FRMD6: variants seen among roughly 807,000 people sequenced by gnomAD.
FRMD6 encodes FERM domain containing 6.
In FRMD6, 37 loss-of-function variants were observed where a neutral mutation model predicts 73.2. The observed-to-expected ratio is 0.51, with a 90% CI of 0.39 to 0.66. The LOEUF is 0.66. Among genes scored for constraint, FRMD6 ranks in the 30% least tolerant of loss-of-function variants. The pLI is 0.00. For missense variants in FRMD6, 714 were observed against 780.5 expected (o/e 0.91, Z 1.02); for synonymous variants, 273 against 282.2 (o/e 0.97, Z 0.33).
chr14:51,611,926 A>T (rs950532947), intron 2 of FRMD6, among the ~76,000 whole-genome samples: 2 of 152,240 alleles, frequency 1.3e-5, no homozygotes. Flanking sequence ...GTAAAATGAA[A>T]AAAAAACAGT....
At chr14:51,612,515 A>T (rs527473459) in intron 2 of FRMD6, among the ~76,000 whole-genome samples, 1 of 152,326 alleles carries the variant, frequency 6.6e-6, no homozygotes, top group African/African-American at 2.4e-5. Context: ...TTGGGCCTAA[A>T]TTGCTTACAT....
intron 1 of FRMD6, 125 bp from the exon 2 acceptor site, chr14:51,689,566 G>A (rs1895399173): frequency 4.8e-6 from 2 of 417,500 alleles, no homozygotes; most frequent in Non-Finnish European, 4.4e-6. Flanking sequence ...AAATAAGGTG[G>A]TGCTGGCTGG....
At chr14:51,403,663 A>T in the FRMD6 span, among the ~76,000 whole-genome samples, 1 of 152,150 alleles carries the variant, frequency 6.6e-6, no homozygotes, top group African/African-American at 2.4e-5. Flanking sequence ...CAGCCTCCCA[A>T]AGTGCTCGGA....
At chr14:51,428,463 A>G in the FRMD6 span, among the ~76,000 whole-genome samples, 1 of 152,240 alleles carries the variant, frequency 6.6e-6, no homozygotes, top group Non-Finnish European at 1.5e-5. Flanking sequence ...AGACAACTCC[A>G]GTCTCCAGGT....
the FRMD6 span, among the ~76,000 whole-genome samples, chr14:51,442,624 A>C: frequency 1.5e-4 from 23 of 152,228 alleles, no homozygotes; most frequent in East Asian, 4.3e-3. Flanking sequence ...CACATATTAT[A>C]AGCTCCTCAG....
Position 51,689,887 on chromosome 14 carries a change from T to C in FRMD6, c.51T>C (p.Ser17=), listed in dbSNP as rs781086779. Reference sequence around the variant, plus strand: ...ACAGAGTCATGCAAGACCGCCGCAGTGTGTGCATTTTCCTTCCCAACGATG... The same window carrying C: ...ACAGAGTCATGCAAGACCGCCGCAGCGTGTGCATTTTCCTTCCCAACGATG... ...HNNRVMQDRR[S]VCIFLPNDES... The change falls in exon 2 of 14, where the codon AGT becomes AGC. Residue 17 remains serine, a synonymous_variant. Coordinates refer to ENST00000344768, the MANE Select transcript of FRMD6 (RefSeq NM_001267046.2). 4.2e-5 allele frequency: 68 copies of C among 1,613,578 alleles called. No homozygotes were observed. The highest frequency in any genetic ancestry group is 5.8e-5 in the Non-Finnish European group (68 of 1,179,686).
chr14:51,535,853 C>G (rs950403511), intron 1 of FRMD6, among the ~76,000 whole-genome samples: 59 of 151,984 alleles, frequency 3.9e-4, no homozygotes, highest in Non-Finnish European at 7.5e-4. Flanking sequence ...CTTGTCTACA[C>G]TTATTATTGT....
At chr14:51,424,438 A>G in the FRMD6 span, among the ~76,000 whole-genome samples, 1 of 152,212 alleles carries the variant, frequency 6.6e-6, no homozygotes, top group Non-Finnish European at 1.5e-5. Flanking sequence ...GTTGATCTTC[A>G]TTGTGAAGGT....
Position 51,578,939 on chromosome 14 carries a change from A to T in FRMD6, c.-147+8529A>T, listed in dbSNP as rs576708166. The T allele has an allele frequency of 2.0e-5, 3 of 152,302 alleles. No homozygotes were observed. In the South Asian group the frequency reaches 6.2e-4, roughly 32 times the overall value. The allele number at this position is 152,302 out of a possible 1,614,324, so 9.4% of individuals were successfully genotyped here. Reference sequence around the variant, plus strand: ...AATATGAATGTGGCTATGGGAAGGTAATAAATGATAGGTTTCCTTTTCTTC... The same window carrying T: ...AATATGAATGTGGCTATGGGAAGGTTATAAATGATAGGTTTCCTTTTCTTC... On this transcript the variant is annotated intron_variant, in intron 2 of 14. Coordinates refer to the FRMD6 transcript ENST00000356218.
chr14:51,712,402 G>A lies in FRMD6; in HGVS notation c.781-81G>A, dbSNP rs992946017. On this transcript the variant is annotated intron_variant, in intron 8 of 13. Transcript: ENST00000344768. ...TTCAGATTTTAATTACTGTATTTTGGTTTTCAGGGAAAGAAGTTAGAGCCA... is the reference window on the plus strand; with the variant it reads ...TTCAGATTTTAATTACTGTATTTTGATTTTCAGGGAAAGAAGTTAGAGCCA... 3.6e-6 allele frequency: 3 copies of A among 825,164 alleles called. No homozygotes were observed. The African/African-American group carries it at 5.2e-5, about 14-fold the overall frequency. 51.1% of individuals were successfully genotyped at this position (825,164 alleles called of 1,614,324 possible).
the FRMD6 span, among the ~76,000 whole-genome samples, chr14:51,431,978 T>G: frequency 6.6e-6 from 1 of 152,174 alleles, no homozygotes; most frequent in Non-Finnish European, 1.5e-5. Flanking sequence ...ATTACTTCCC[T>G]TCCAGCCCTG....
the FRMD6 span, among the ~76,000 whole-genome samples, chr14:51,402,902 T>G: frequency 6.6e-6 from 1 of 152,128 alleles, no homozygotes; most frequent in Non-Finnish European, 1.5e-5. Context: ...CCTCCCAAAG[T>G]GCTGGGATTA....
chr14:51,661,794 A>G (rs1893235528), intron 1 of FRMD6, among the ~76,000 whole-genome samples: 1 of 152,244 alleles, frequency 6.6e-6, no homozygotes, highest in East Asian at 1.9e-4. Context: ...GTGGGTTCAA[A>G]GAGAATAAAA....
At chr14:51,454,348 A>C in the FRMD6 span, among the ~76,000 whole-genome samples, 3 of 152,210 alleles carry the variant, frequency 2.0e-5, no homozygotes, top group Non-Finnish European at 2.9e-5. Context: ...ACAAAGACCA[A>C]ATTACCACTT....
At chr14:51,396,917 C>A in the FRMD6 span, 7 of 152,116 alleles carry the variant, frequency 4.6e-5, no homozygotes, top group Admixed American at 2.0e-4. Context: ...ATTCTGTATC[C>A]CTGTGGTTAG....
the FRMD6 span, among the ~76,000 whole-genome samples, chr14:51,402,868 A>G: frequency 2.0e-5 from 3 of 151,972 alleles, no homozygotes; most frequent in Non-Finnish European, 4.4e-5. Flanking sequence ...TCGATCTCCT[A>G]ACCTCATGAT....
At chr14:51,646,331 A>G (rs969908972) in intron 2 of FRMD6, among the ~76,000 whole-genome samples, 1 of 151,154 alleles carries the variant, frequency 6.6e-6, no homozygotes, top group Admixed American at 6.6e-5. Flanking sequence ...AAAAAAAAAA[A>G]AAAAAAAAAA....
Position 51,544,600 on chromosome 14 carries a change from A to G in FRMD6, c.-209-25748A>G, listed in dbSNP as rs139199327. 2.3e-3 allele frequency among the ~76,000 whole-genome samples: 345 copies of G among 151,816 alleles called. 1 individual carries two copies. Among genetic ancestry groups the G allele is most frequent in the African/African-American group, 6.8e-3 (281 of 41,438 alleles). On this transcript the variant is annotated intron_variant, in intron 1 of 14. Coordinates refer to the FRMD6 transcript ENST00000356218. The stretch of plus-strand genomic sequence containing the variant: ...GTTTGTGTCATGCCTTGAATTCTCC[A>G]AAGTGCTTTCATGTCTATTATCTAG...
At chr14:51,674,294 T>G (rs1566553255) in intron 1 of FRMD6, among the ~76,000 whole-genome samples, 1 of 152,136 alleles carries the variant, frequency 6.6e-6, no homozygotes, top group Non-Finnish European at 1.5e-5. Context: ...TCTCGATGAG[T>G]GCTTTTTAAA....
Sources: allele counts gnomAD v4.1 joint callset (sites outside exome capture counted in the v4.1 genomes callset), GRCh38; gene constraint gnomAD v4.1.1; transcripts MANE v1.5; gene names NCBI Gene and HGNC (gene_info 2026-07-23, HGNC 2026-07-21).